STIM1: variants seen among roughly 807,000 people sequenced by gnomAD.
The protein encoded by STIM1 is stromal interaction molecule 1.
A neutral mutation model predicts 74.7 loss-of-function variants in STIM1; 25 were observed. The ratio of observed to expected loss-of-function variants is 0.33; its 90% CI spans 0.24 to 0.47. STIM1 has a LOEUF of 0.47. Ranked by LOEUF, STIM1 falls within the 20% of genes least tolerant of loss-of-function variation. STIM1 has a pLI of 1.00. For synonymous variants in STIM1, 328 were observed against 348.8 expected (o/e 0.94, Z 0.66); for missense variants, 728 against 920.8 (o/e 0.79, Z 2.71).
intron 2 of STIM1, among the ~76,000 whole-genome samples, chr11:3,988,727 C>G (rs114121696): frequency 0.017 from 2,638 of 152,262 alleles, 77 homozygotes; most frequent in African/African-American, 0.06. Flanking sequence ...TGATCAAGGA[C>G]TGGTTTTCTT....
intron 1 of STIM1, among the ~76,000 whole-genome samples, chr11:3,866,619 G>T (rs1247810136): frequency 2.0e-5 from 3 of 151,960 alleles, no homozygotes. Context: ...TAGAGACGGG[G>T]TTTCACCATG....
Position 3,865,164 on chromosome 11 carries a change from A to G in STIM1, c.139+8755A>G, listed in dbSNP as rs12275312. ...ATGAAAAACTTCATTCTGACTTTTT[A>G]GGCCATTGGTGTTAGGTGCTAGGAC... On this transcript the variant is annotated intron_variant, in intron 1 of 12. Transcript: ENST00000526596. Among the ~76,000 whole-genome samples the G allele has an allele frequency of 8.7e-3, 1,332 of 152,312 alleles. 23 individuals carry two copies. The highest frequency in any genetic ancestry group is 0.03 in the African/African-American group (1,246 of 41,564).
At chr11:3,886,415 G>A (rs1156623838) in intron 1 of STIM1, among the ~76,000 whole-genome samples, 5 of 152,128 alleles carry the variant, frequency 3.3e-5, no homozygotes, top group African/African-American at 1.2e-4. Flanking sequence ...TTGGCTGGGC[G>A]CGGTGGCTCA....
intron 2 of STIM1, chr11:3,989,561 C>G: frequency 1.9e-6 from 1 of 533,442 alleles, no homozygotes. Context: ...CTCCTCCCGC[C>G]GCCCGAGCTG....
At chr11:4,091,102 T>C (rs1450631312) in intron 12 of STIM1, among the ~76,000 whole-genome samples, 180 bp from the exon 13 acceptor site, 3 of 152,054 alleles carry the variant, frequency 2.0e-5, no homozygotes, top group African/African-American at 7.2e-5. Flanking sequence ...CTTCTGTCTA[T>C]TCCTCTTTCC....
rs750389210 is a variant in STIM1, at chr11:3,902,456, G to A, written c.139+46047G>A. Among the ~76,000 whole-genome samples the A allele has an allele frequency of 3.5e-4, 54 of 152,268 alleles. No homozygotes were observed. In the Middle Eastern group the frequency reaches 0.014, roughly 38 times the overall value. On this transcript the variant is annotated intron_variant, in intron 1 of 12. Transcript: ENST00000526596. ...CAGGGTGCGGGGTGGGGATGATTTT[G>A]GGATGAAACTGTTTCACTTCAGATC...
At chr11:4,056,927 A>G (rs994554651) in intron 4 of STIM1, among the ~76,000 whole-genome samples, 11 of 152,276 alleles carry the variant, frequency 7.2e-5, no homozygotes, top group Admixed American at 2.6e-4. Flanking sequence ...GTCTTGTTCT[A>G]AATGCCCTGC....
At chr11:3,928,355 A>G (rs1447388371) in intron 1 of STIM1, among the ~76,000 whole-genome samples, 1 of 151,648 alleles carries the variant, frequency 6.6e-6, no homozygotes, top group African/African-American at 2.4e-5. Flanking sequence ...CCTCCTGAGT[A>G]GCTGGGACTG....
chr11:3,936,559 G>A (rs1363203148), intron 1 of STIM1, among the ~76,000 whole-genome samples: 1 of 152,166 alleles, frequency 6.6e-6, no homozygotes, highest in Non-Finnish European at 1.5e-5. Flanking sequence ...AAGGTTACCA[G>A]TATGATATAG....
intron 4 of STIM1, chr11:4,058,658 C>G (rs2094309095): frequency 3.0e-6 from 1 of 332,030 alleles, no homozygotes. Flanking sequence ...AAAGTTATCA[C>G]TGACAGTATG....
intron 1 of STIM1, among the ~76,000 whole-genome samples, chr11:3,949,120 G>A (rs1419694851): frequency 6.6e-6 from 1 of 152,194 alleles, no homozygotes; most frequent in Non-Finnish European, 1.5e-5. Context: ...GTGATACAGA[G>A]AAGCACAGGG....
chr11:3,865,075 A>C (rs2090803595), intron 1 of STIM1, among the ~76,000 whole-genome samples: 1 of 151,830 alleles, frequency 6.6e-6, no homozygotes, highest in Non-Finnish European at 1.5e-5. Context: ...AGCCTTTACT[A>C]CTCCAACTTG....
At chr11:4,053,465 G>A (rs1323524620) in intron 3 of STIM1, among the ~76,000 whole-genome samples, 3 of 151,774 alleles carry the variant, frequency 2.0e-5, no homozygotes, top group Non-Finnish European at 4.4e-5. Flanking sequence ...ATCATTCTCA[G>A]CAAAATATCG....
intron 2 of STIM1, among the ~76,000 whole-genome samples, chr11:3,978,634 G>T (rs1378940276): frequency 6.6e-6 from 1 of 151,856 alleles, no homozygotes; most frequent in East Asian, 2.0e-4. Context: ...GGTATCAGGT[G>T]CCTATAATCC....
chr11:4,023,831 C>A (rs923465250), intron 2 of STIM1, 42 bp from the exon 3 acceptor site: 2 of 1,531,044 alleles, frequency 1.3e-6, no homozygotes, highest in Admixed American at 1.7e-5. Context: ...GACGGGCTGA[C>A]TCCTAGGTAT....
chr11:4,075,822 T>G (rs563242771), intron 7 of STIM1, among the ~76,000 whole-genome samples: 1 of 152,352 alleles, frequency 6.6e-6, no homozygotes, highest in East Asian at 1.9e-4. Flanking sequence ...GCCACAACAA[T>G]GTAAGAGAAT....
At chr11:4,083,107 C>A in intron 9 of STIM1, 125 bp downstream of exon 9, 1 of 1,178,946 alleles carries the variant, frequency 8.5e-7, no homozygotes, top group Non-Finnish European at 1.3e-6. Context: ...TCTCCTGCCT[C>A]AGCCTTTATT....
At chr11:3,942,642 A>T (rs2093025105) in intron 1 of STIM1, among the ~76,000 whole-genome samples, 2 of 152,122 alleles carry the variant, frequency 1.3e-5, no homozygotes, top group African/African-American at 4.8e-5. Flanking sequence ...GTGGTTTCGT[A>T]TGGGTTGTTT....
rs116496156 is a variant in STIM1, at chr11:4,055,008, G to T, written c.386-518G>T. Among the ~76,000 whole-genome samples, 171 of 152,266 alleles carry T rather than the reference G, an allele frequency of 1.1e-3. 1 individual carries two copies. The highest frequency in any genetic ancestry group is 3.9e-3 in the African/African-American group (163 of 41,538). Reference sequence around the variant, plus strand: ...CTGGATTGGGAACTAACTTCCTCCAGGCTTGGCACTAAGTAGTCCCCTTAT... The same window carrying T: ...CTGGATTGGGAACTAACTTCCTCCATGCTTGGCACTAAGTAGTCCCCTTAT... On this transcript the variant is annotated intron_variant, in intron 3 of 12. Transcript: ENST00000526596.
Sources: gnomAD v4.1 joint callset for allele counts (sites outside exome capture counted in the v4.1 genomes callset) on GRCh38, gnomAD v4.1.1 for gene constraint, MANE v1.5 for transcripts, NCBI Gene and HGNC (gene_info 2026-07-23, HGNC 2026-07-21) for gene names.